The following PRKAR1A variants were observed in gnomAD, a reference collection of about 807,000 sequenced individuals.
PRKAR1A encodes the protein protein kinase cAMP-dependent type I regulatory subunit alpha.
A neutral mutation model predicts 52.0 loss-of-function variants in PRKAR1A; 3 were observed. The observed-to-expected ratio is 0.06, with a 90% CI of 0.03 to 0.15. PRKAR1A has a LOEUF of 0.15. Ranked by LOEUF, PRKAR1A falls within the 10% of genes least tolerant of loss-of-function variation. The pLI is 1.00. For missense variants in PRKAR1A, 240 were observed against 477.4 expected (o/e 0.50, Z 4.63); for synonymous variants, 188 against 168.4 (o/e 1.12, Z -0.90).
the PRKAR1A span, among the ~76,000 whole-genome samples, chr17:68,424,157 A>C: frequency 4.6e-5 from 7 of 152,248 alleles, no homozygotes; most frequent in African/African-American, 1.7e-4. Context: ...CAGCATGCCA[A>C]CAGAGGTTTT....
the PRKAR1A span, among the ~76,000 whole-genome samples, chr17:68,443,904 T>C: frequency 1.3e-5 from 2 of 152,244 alleles, no homozygotes; most frequent in Non-Finnish European, 2.9e-5. Context: ...ATTCATATAA[T>C]GTCATCTGCT....
chr17:68,525,810 ACTTG>A lies in PRKAR1A; in HGVS notation c.610_613del (p.Ala204Ter), dbSNP rs2085771665. 1 of 1,613,806 alleles carries A rather than the reference ACTTG, an allele frequency of 6.2e-7. No homozygotes were observed. The highest frequency in any genetic ancestry group is 1.7e-5 in the Admixed American group (1 of 59,976). On this transcript the variant is annotated frameshift_variant, in exon 7 of 11. Coordinates refer to ENST00000589228, the MANE Select transcript of PRKAR1A (RefSeq NM_002734.5). LOFTEE classifies it high-confidence loss of function. ...TTGGGGAAGGAGGGAGCTTTGGAGAACTTGCTTTGATTTATGGAACACCGAGAGC... is the reference window on the plus strand; with the variant it reads ...TTGGGGAAGGAGGGAGCTTTGGAGAACTTTGATTTATGGAACACCGAGAGC...
chr17:68,479,165 A>G, the PRKAR1A span, among the ~76,000 whole-genome samples: 1 of 152,188 alleles, frequency 6.6e-6, no homozygotes, highest in African/African-American at 2.4e-5. Context: ...CACATTGGTA[A>G]TTACAGCTAT....
chr17:68,447,373 T>A, the PRKAR1A span, among the ~76,000 whole-genome samples: 1 of 152,202 alleles, frequency 6.6e-6, no homozygotes, highest in Non-Finnish European at 1.5e-5. Context: ...TCTTCTTTTT[T>A]AAATTTTTAA....
intron 5 of PRKAR1A, among the ~76,000 whole-genome samples, 194 bp from the exon 6 acceptor site, chr17:68,524,718 A>G (rs754357635): frequency 6.6e-6 from 1 of 152,190 alleles, no homozygotes; most frequent in African/African-American, 2.4e-5. Flanking sequence ...TCACCATGAG[A>G]TGACTAAAAA....
intron 11 of PRKAR1A, among the ~76,000 whole-genome samples, chr17:68,548,823 C>T (rs557970280): frequency 2.5e-4 from 37 of 149,414 alleles, no homozygotes; most frequent in Admixed American, 9.3e-4. Context: ...AGCTCCGCCT[C>T]CCGGGTTCAC....
chr17:68,444,294 GCACACAGCCCCCCTGCAGGA>G, the PRKAR1A span, among the ~76,000 whole-genome samples: 4 of 152,134 alleles, frequency 2.6e-5, no homozygotes, highest in Non-Finnish European at 5.9e-5. Context: ...GCAATGAAGG[GCACACAGCCCCCCTGCAGGA>G]CACACAGCCT....
the PRKAR1A span, among the ~76,000 whole-genome samples, chr17:68,491,761 C>T: frequency 6.6e-6 from 1 of 152,068 alleles, no homozygotes; most frequent in East Asian, 1.9e-4. Context: ...AGCAGAATTT[C>T]CCCTCCTCCC....
At chr17:68,490,698 G>C in the PRKAR1A span, among the ~76,000 whole-genome samples, 4 of 152,122 alleles carry the variant, frequency 2.6e-5, no homozygotes, top group Non-Finnish European at 4.4e-5. Flanking sequence ...TCTGTGAAGA[G>C]AGAATAGAGG....
At chr17:68,447,442 C>T in the PRKAR1A span, among the ~76,000 whole-genome samples, 5 of 152,268 alleles carry the variant, frequency 3.3e-5, no homozygotes, top group African/African-American at 4.8e-5. Flanking sequence ...AATGCAGCAG[C>T]GTGATCATAG....
chr17:68,529,853 A>C lies in PRKAR1A; in HGVS notation c.892-67A>C, dbSNP rs914613584. ...TGCAAGGTAGTTAAAATTGCATAGG[A>C]TGTTTAAGGTGCCACCCTGGGTTTG... On this transcript the variant is annotated intron_variant, in intron 9 of 10. Coordinates refer to ENST00000589228, the MANE Select transcript of PRKAR1A (RefSeq NM_002734.5). The C allele has an allele frequency of 8.4e-6, 12 of 1,434,578 alleles. No individual in the cohort carries two copies. The South Asian group carries it at 1.4e-4, about 16-fold the overall frequency. The allele number at this position is 1,434,578 out of a possible 1,614,324, so 88.9% of individuals were successfully genotyped here.
At chr17:68,539,272 G>A in intron 11 of PRKAR1A, 4 of 1,553,494 alleles carry the variant, frequency 2.6e-6, no homozygotes, top group Non-Finnish European at 3.6e-6. Flanking sequence ...TCAGACCTTG[G>A]CTGCAAGCAG....
chr17:68,523,257 C>T (rs1282422839), intron 3 of PRKAR1A, among the ~76,000 whole-genome samples: 1 of 152,092 alleles, frequency 6.6e-6, no homozygotes, highest in Non-Finnish European at 1.5e-5. Flanking sequence ...GGCTTTTAAC[C>T]TTTTATTCTA....
chr17:68,489,953 G>A, the PRKAR1A span, among the ~76,000 whole-genome samples: 72 of 152,340 alleles, frequency 4.7e-4, no homozygotes, highest in African/African-American at 1.6e-3. Flanking sequence ...ATATAAAGGG[G>A]TGTGAATCTT....
the PRKAR1A span, chr17:68,452,835 G>A: frequency 1.5e-6 from 2 of 1,347,118 alleles, no homozygotes; most frequent in South Asian, 1.2e-5. Context: ...CAGCTTGGTA[G>A]CACCGCAGAT....
intron 11 of PRKAR1A, chr17:68,542,153 C>T: frequency 6.2e-7 from 1 of 1,613,956 alleles, no homozygotes; most frequent in Non-Finnish European, 8.5e-7. Flanking sequence ...GGCGAAGAAG[C>T]ACACGTTGCT....
intron 11 of PRKAR1A, among the ~76,000 whole-genome samples, chr17:68,546,823 A>C (rs2086592962): frequency 7.8e-6 from 1 of 128,222 alleles, no homozygotes; most frequent in Admixed American, 8.8e-5. Context: ...GTGCGAGACT[A>C]CGGCTCAAAA....
chr17:68,432,881 C>T, the PRKAR1A span, among the ~76,000 whole-genome samples: 1 of 152,322 alleles, frequency 6.6e-6, no homozygotes, highest in South Asian at 2.1e-4. Flanking sequence ...TTCCAACCCC[C>T]ATTCTGCACA....
chr17:68,521,861 T>C (rs888763600), intron 2 of PRKAR1A, among the ~76,000 whole-genome samples: 1 of 152,232 alleles, frequency 6.6e-6, no homozygotes, highest in African/African-American at 2.4e-5. Context: ...TAACACATTT[T>C]TATTTTTTCC....
Sources: allele counts gnomAD v4.1 joint callset (sites outside exome capture counted in the v4.1 genomes callset), GRCh38; gene constraint gnomAD v4.1.1; transcripts MANE v1.5; gene names NCBI Gene and HGNC (gene_info 2026-07-23, HGNC 2026-07-21).